INVS: variants seen among roughly 807,000 people sequenced by gnomAD.
INVS encodes the protein inversin, also known as inversion of embryo turning homolog.
Under a neutral mutation model 108.8 loss-of-function variants are expected in INVS, and 86 were observed. The ratio of observed to expected loss-of-function variants is 0.79; its 90% CI spans 0.66 to 0.95. The LOEUF (loss-of-function observed/expected upper bound fraction) is 0.95. Among genes scored for constraint, INVS ranks in the 40% least tolerant of loss-of-function variants. The probability of loss-of-function intolerance (pLI) is 0.00; values close to 1 mark genes in which losing one functional copy is unlikely to be tolerated. For missense variants in INVS, 1,169 were observed against 1,297.4 expected (o/e 0.90, Z 1.52); for synonymous variants, 455 against 473.5 (o/e 0.96, Z 0.51).
intron 3 of INVS, among the ~76,000 whole-genome samples, chr9:100,210,396 A>T (rs1000881420): frequency 6.6e-6 from 1 of 152,224 alleles, no homozygotes; most frequent in Non-Finnish European, 1.5e-5. Context: ...AGCACTTTAC[A>T]TAAAATTCAG....
At chr9:100,143,780 C>T (rs1828509724) in intron 3 of INVS, among the ~76,000 whole-genome samples, 1 of 152,016 alleles carries the variant, frequency 6.6e-6, no homozygotes, top group Non-Finnish European at 1.5e-5. Context: ...GCCGTCAGTA[C>T]CTGCAACAGT....
intron 3 of INVS, among the ~76,000 whole-genome samples, chr9:100,186,550 A>T (rs1830061286): frequency 6.6e-6 from 1 of 152,100 alleles, no homozygotes; most frequent in South Asian, 2.1e-4. Flanking sequence ...CTGTTTAATA[A>T]TGGCTGTTCT....
chr9:100,182,259 A>G (rs1052998363), intron 3 of INVS, among the ~76,000 whole-genome samples: 1 of 152,246 alleles, frequency 6.6e-6, no homozygotes, highest in Non-Finnish European at 1.5e-5. Context: ...GCCAAAATTG[A>G]CAAGTGGGAT....
chr9:100,148,020 C>CA (rs551874913), intron 3 of INVS, among the ~76,000 whole-genome samples: 902 of 78,952 alleles, frequency 0.011, 5 homozygotes, highest in East Asian at 0.03. Flanking sequence ...CCTGTCTCTA[C>CA]AAAAAAAAAA....
At chr9:100,175,956 G>T in intron 3 of INVS, 1 of 569,380 alleles carries the variant, frequency 1.8e-6, no homozygotes, top group Non-Finnish European at 3.4e-6. Context: ...GCTGAAGAAA[G>T]CTACAATGGA....
intron 3 of INVS, among the ~76,000 whole-genome samples, chr9:100,162,121 G>C (rs549296046): frequency 6.6e-6 from 1 of 152,208 alleles, no homozygotes; most frequent in South Asian, 2.1e-4. Flanking sequence ...GTAACGGGCT[G>C]GTAGCACAAT....
At chr9:100,124,983 C>T (rs1013551062) in intron 2 of INVS, among the ~76,000 whole-genome samples, 33 of 152,252 alleles carry the variant, frequency 2.2e-4, no homozygotes, top group African/African-American at 7.7e-4. Flanking sequence ...CTGGTTTGCC[C>T]CACCTCTGGG....
Position 100,210,147 on chromosome 9 carries a change from C to G in INVS, c.274-15915C>G, listed in dbSNP as rs987187101. The stretch of plus-strand genomic sequence containing the variant: ...TTCTTACTACCGTGTGTCCTTACCT[C>G]TATCATAGAACTGATCTCATTGTAT... On this transcript the variant is annotated intron_variant, in intron 3 of 16. Transcript: ENST00000262457. Among the ~76,000 whole-genome samples the G allele has an allele frequency of 2.6e-5, 4 of 152,124 alleles. No individual in the cohort carries two copies. In the East Asian group the frequency reaches 7.7e-4, roughly 29 times the overall value.
At chr9:100,177,767 C>G (rs186044451) in intron 3 of INVS, among the ~76,000 whole-genome samples, 1 of 152,202 alleles carries the variant, frequency 6.6e-6, no homozygotes, top group Non-Finnish European at 1.5e-5. Flanking sequence ...ACACAGCGCT[C>G]GAGCTCTGCT....
In INVS at chr9:100,292,784, G is replaced by C. The variant is rs749038714; in HGVS notation, c.2527G>C (p.Gly843Arg). The change falls in exon 14 of 17, where the codon GGG becomes CGG. Residue 843 changes from glycine to arginine, a missense_variant. Physicochemically the swap from Gly to Arg is moderately radical, Grantham distance 125. This residue lies in a region of INVS where 533 missense variants were observed against 536.0 expected (regional missense o/e 0.99). Coordinates refer to ENST00000262457, the MANE Select transcript of INVS (RefSeq NM_014425.5). ...NKVTQAKLTGGLYSHLPQSTE... is the reference protein window; with the variant it reads ...NKVTQAKLTGRLYSHLPQSTE... ...AGTGACACAAGCCAAGCTCACAGGA[G>C]GGCTCTATTCACATTTGCCACAGAG... 1.2e-6 allele frequency: 2 copies of C among 1,614,098 alleles called. No individual in the cohort carries two copies.
chr9:100,170,186 A>G (rs539727724), intron 3 of INVS, among the ~76,000 whole-genome samples: 14 of 152,322 alleles, frequency 9.2e-5, no homozygotes, highest in Non-Finnish European at 1.9e-4. Context: ...CTCAGATTTC[A>G]TGCAGTTCTT....
At chr9:100,131,608 A>G (rs963947921) in intron 3 of INVS, among the ~76,000 whole-genome samples, 9 of 152,126 alleles carry the variant, frequency 5.9e-5, no homozygotes, top group African/African-American at 1.9e-4. Flanking sequence ...GGAGGCTACT[A>G]TTTCTCTGAC....
intron 3 of INVS, among the ~76,000 whole-genome samples, chr9:100,173,158 C>T (rs1829597432): frequency 6.6e-6 from 1 of 152,110 alleles, no homozygotes; most frequent in Non-Finnish European, 1.5e-5. Flanking sequence ...TGTAGTAGCT[C>T]CTATTGGATC....
intron 3 of INVS, among the ~76,000 whole-genome samples, chr9:100,208,368 T>G (rs1338785378): frequency 6.6e-6 from 1 of 152,212 alleles, no homozygotes; most frequent in Admixed American, 6.5e-5. Flanking sequence ...ATTAAACCCT[T>G]TAATGCATGG....
At chr9:100,215,479 C>T (rs1000903773) in intron 3 of INVS, 19 of 152,160 alleles carry the variant, frequency 1.2e-4, no homozygotes, top group Middle Eastern at 6.8e-3. Context: ...GGAGTGTGGA[C>T]CAGGAGGAGG....
chr9:100,119,316 T>A lies in INVS; in HGVS notation c.107-7067T>A, dbSNP rs532633097. Among the ~76,000 whole-genome samples, 345 of 152,330 alleles carry A rather than the reference T, an allele frequency of 2.3e-3. 3 individuals carry two copies. The highest frequency in any genetic ancestry group is 3.6e-3 in the Non-Finnish European group (244 of 68,012). On this transcript the variant is annotated intron_variant, in intron 2 of 16. Transcript: ENST00000262457. ...GTAGTACCTTATAGTGGGGATTAAT[T>A]ATGAATTTAATTTAATTTTTTAATA...
At chr9:100,117,282 C>G in intron 2 of INVS, 1 of 735,704 alleles carries the variant, frequency 1.4e-6, no homozygotes, top group Non-Finnish European at 2.4e-6. Context: ...CTCTGGCCAG[C>G]ACGGGTCTGC....
intron 5 of INVS, among the ~76,000 whole-genome samples, chr9:100,237,569 G>A (rs999818462): frequency 6.6e-6 from 1 of 152,114 alleles, no homozygotes; most frequent in Non-Finnish European, 1.5e-5. Flanking sequence ...TACCGTCCCT[G>A]CCGGCACTGT....
intron 5 of INVS, among the ~76,000 whole-genome samples, chr9:100,236,410 T>C (rs1831688264): frequency 6.6e-6 from 1 of 152,212 alleles, no homozygotes; most frequent in Admixed American, 6.5e-5. Context: ...GGCAAGGACT[T>C]GTGATCTTTT....
Sources: allele counts gnomAD v4.1 joint callset (sites outside exome capture counted in the v4.1 genomes callset), GRCh38; gene constraint gnomAD v4.1.1; regional missense constraint gnomAD v4.1.1; transcripts MANE v1.5; gene names NCBI Gene and HGNC (gene_info 2026-07-23, HGNC 2026-07-21).